Variants in ATP6V1E2 observed in about 807,000 individuals in gnomAD.
ATP6V1E2 encodes ATPase H+ transporting V1 subunit E2, also known as V-type proton ATPase subunit E 2.
For missense variants in ATP6V1E2, 308 were observed against 273.3 expected (o/e 1.13, Z -0.90); for synonymous variants, 121 against 104.2 (o/e 1.16, Z -0.98).
chr2:46,534,872 A>G (rs1157956893), intron 4 of ATP6V1E2: 1 of 152,234 alleles, frequency 6.6e-6, no homozygotes, highest in Non-Finnish European at 1.5e-5. Flanking sequence ...CTGGGAACCA[A>G]TCAGCTCACA....
chr2:46,521,876 G>A (rs1666645147), intron 4 of ATP6V1E2, among the ~76,000 whole-genome samples: 1 of 152,084 alleles, frequency 6.6e-6, no homozygotes, highest in Non-Finnish European at 1.5e-5. Context: ...ATTTTTAGTA[G>A]AGGCGGAGTT....
chr2:46,522,992 G>A (rs1666716266), intron 4 of ATP6V1E2, among the ~76,000 whole-genome samples: 2 of 152,164 alleles, frequency 1.3e-5, no homozygotes, highest in Admixed American at 1.3e-4. Flanking sequence ...TTGAAGATCA[G>A]TGATATTCAG....
chr2:46,516,218 C>A (rs947670818), intron 4 of ATP6V1E2, among the ~76,000 whole-genome samples: 3 of 152,170 alleles, frequency 2.0e-5, no homozygotes, highest in African/African-American at 7.2e-5. Context: ...CCAACAGCAG[C>A]ACAATACACA....
Position 46,512,448 on chromosome 2 carries a change from A to G in ATP6V1E2, c.264T>C (p.Asn88=). Residue 88 remains asparagine, a synonymous_variant, in exon 5 of 5, where the codon AAT becomes AAC. Coordinates refer to ENST00000522587, the MANE Select transcript of ATP6V1E2 (RefSeq NM_001318063.2). ...CACTGAGCAAATCTGAGATGAGGTC[A>G]TTTCGGGCTCTCAGGACTTTCAGCC... ...QARLKVLRAR[N]DLISDLLSEA... is the part of the protein sequence containing the mutation. 6.2e-7 allele frequency: 1 copy of G among 1,614,164 alleles called. No homozygotes were observed. The highest frequency in any genetic ancestry group is 8.5e-7 in the Non-Finnish European group (1 of 1,180,036).
chr2:46,538,564 G>T (rs558249106), intron 2 of ATP6V1E2, among the ~76,000 whole-genome samples: 1 of 151,696 alleles, frequency 6.6e-6, no homozygotes, highest in African/African-American at 2.4e-5. Flanking sequence ...AGGATCTCGG[G>T]GGTGATGCAA....
rs879331070 is a variant in ATP6V1E2, at chr2:46,514,807, G to A, written c.-101-1995C>T. Among the ~76,000 whole-genome samples the A allele has an allele frequency of 9.5e-4, 144 of 151,842 alleles. 2 individuals are homozygous for A. Among genetic ancestry groups the A allele is most frequent in the Middle Eastern group, 3.4e-3 (1 of 294 alleles). ...TCTATCCAGATTCAAGAAGTCTAAC[G>A]GACTCCAACTAAGATAAACCCAAAA... On this transcript the variant is annotated intron_variant, in intron 4 of 4. Transcript: ENST00000522587.
rs1186265727 is a variant in ATP6V1E2, at chr2:46,512,543, A to G, written c.169T>C (p.Tyr57His). Residue 57 changes from tyrosine to histidine, a missense_variant, in exon 5 of 5, where the codon TAT becomes CAT. Transcript: ENST00000522587. ...QTQRLKIMEY[Y>H]EKKEKQIEQQ... Reference sequence around the variant, plus strand: ...TCTATCTGCTTCTCCTTTTTCTCATAATACTCCATAATCTTCAGTCGTTGG... The same window carrying G: ...TCTATCTGCTTCTCCTTTTTCTCATGATACTCCATAATCTTCAGTCGTTGG... 1 of 1,613,884 alleles carries G rather than the reference A, an allele frequency of 6.2e-7. No homozygotes were observed. The highest frequency in any genetic ancestry group is 8.5e-7 in the Non-Finnish European group (1 of 1,180,020).
At chr2:46,534,782 G>A (rs1667361169) in intron 4 of ATP6V1E2, 1 of 149,280 alleles carries the variant, frequency 6.7e-6, no homozygotes, top group Non-Finnish European at 1.5e-5. Flanking sequence ...ACCCTTTTGG[G>A]ATTTCTACTG....
chr2:46,532,324 ATTT>A (rs11366811), intron 4 of ATP6V1E2, among the ~76,000 whole-genome samples: 4 of 124,656 alleles, frequency 3.2e-5, no homozygotes, highest in South Asian at 2.6e-4. Flanking sequence ...TTCCTTTTTG[ATTT>A]TTTTTTTTTT....
intron 4 of ATP6V1E2, among the ~76,000 whole-genome samples, chr2:46,518,490 A>ACAACACACACACAC (rs1471974728): frequency 2.1e-5 from 3 of 140,912 alleles, no homozygotes; most frequent in Non-Finnish European, 3.1e-5. Flanking sequence ...ACACACACAC[A>ACAACACACACACAC]ACACACACAC....
chr2:46,536,122 C>G (rs1191736882), intron 3 of ATP6V1E2, among the ~76,000 whole-genome samples, 195 bp from the exon 4 acceptor site: 1 of 152,128 alleles, frequency 6.6e-6, no homozygotes. Flanking sequence ...AGTCTCCTGA[C>G]CTTAGGTTGC....
intron 1 of ATP6V1E2, chr2:46,541,973 G>C (rs557527451): frequency 6.6e-6 from 1 of 152,424 alleles, no homozygotes; most frequent in East Asian, 1.9e-4. Context: ...ACATTTGCCG[G>C]GTCCGGAGCC....
Position 46,520,853 on chromosome 2 carries a change from C to CT in ATP6V1E2, c.-101-8042dup, listed in dbSNP as rs545300296. 3.7e-3 allele frequency among the ~76,000 whole-genome samples: 556 copies of CT among 148,546 alleles called. 2 individuals carry two copies. The highest frequency in any genetic ancestry group is 0.011 in the Middle Eastern group (3 of 284). On this transcript the variant is annotated intron_variant, in intron 4 of 4. Coordinates refer to ENST00000522587, the MANE Select transcript of ATP6V1E2 (RefSeq NM_001318063.2). Reference sequence around the variant, plus strand: ...TAAGGGCTTGGGGATGGAAGGGAGGCTTTTTTTTTTCTTTTTTGCCTTTTT... The same window carrying CT: ...TAAGGGCTTGGGGATGGAAGGGAGGCTTTTTTTTTTTCTTTTTTGCCTTTTT...
chr2:46,537,705 A>C (rs1203626727), intron 2 of ATP6V1E2: 3 of 152,152 alleles, frequency 2.0e-5, no homozygotes, highest in Non-Finnish European at 2.9e-5. Context: ...TTCGAGTTGA[A>C]TTTTCTATGA....
Position 46,512,713 on chromosome 2 carries a change from GC to G in ATP6V1E2, c.-3del, listed in dbSNP as rs1395447841. 5 of 1,607,588 alleles carry G rather than the reference GC, an allele frequency of 3.1e-6. No individual in the cohort carries two copies. In the African/African-American group the frequency reaches 4.0e-5, roughly 13 times the overall value. On this transcript the variant is annotated 5_prime_UTR_variant, in exon 5 of 5. Coordinates refer to ENST00000522587, the MANE Select transcript of ATP6V1E2 (RefSeq NM_001318063.2). ...CACATCGACATCACTCAGGGCCATG[GC>G]TGCTCTCAGAGGGGACGGCAGAGAG...
At chr2:46,522,454 C>T (rs1400673569) in intron 4 of ATP6V1E2, among the ~76,000 whole-genome samples, 1 of 105,048 alleles carries the variant, frequency 9.5e-6, no homozygotes, top group African/African-American at 4.6e-5. Context: ...CATGTGTTCT[C>T]AATGTTCAAC....
At chr2:46,529,518 G>A (rs920308868) in intron 4 of ATP6V1E2, among the ~76,000 whole-genome samples, 2 of 152,222 alleles carry the variant, frequency 1.3e-5, no homozygotes, top group African/African-American at 4.8e-5. Context: ...GCTTTGGAAG[G>A]CCAAGGCAGG....
At chr2:46,528,653 C>A (rs1042746035) in intron 4 of ATP6V1E2, among the ~76,000 whole-genome samples, 1 of 152,166 alleles carries the variant, frequency 6.6e-6, no homozygotes, top group Non-Finnish European at 1.5e-5. Flanking sequence ...CAAGATGCAT[C>A]CAGGACTGGG....
At position 46,512,295 on chromosome 2, in the gene ATP6V1E2, T is replaced by G. The variant is rs762962061; in HGVS notation, c.417A>C (p.Gln139His). 1 of 1,611,080 alleles carries G rather than the reference T, an allele frequency of 6.2e-7. No individual in the cohort carries two copies. Among genetic ancestry groups the G allele is most frequent in the African/African-American group, 1.3e-5 (1 of 74,794 alleles). ...CAGCAGCCTCCACCAGGAGGAGGTC[T>G]TGTGGCCGGCAGCGTACAATCATCA... Reference protein sequence around the residue: ...EPVMIVRCRPQDLLLVEAAVQ... With the variant: ...EPVMIVRCRPHDLLLVEAAVQ... Residue 139 changes from glutamine (Q) to histidine (H), a missense_variant, in exon 5 of 5, where the codon CAA becomes CAC. Gln to His is a conservative substitution (Grantham distance 24). Transcript: ENST00000522587.
Sources: allele counts gnomAD v4.1 joint callset (sites outside exome capture counted in the v4.1 genomes callset), GRCh38; gene constraint gnomAD v4.1.1; transcripts MANE v1.5; gene names NCBI Gene and HGNC (gene_info 2026-07-23, HGNC 2026-07-21).